The following LRRC4C variants were observed in gnomAD, a reference collection of about 807,000 sequenced individuals.
LRRC4C encodes leucine rich repeat containing 4C, also known as leucine-rich repeat-containing protein 4C.
In LRRC4C, 5 loss-of-function variants were observed where a neutral mutation model predicts 33.6. The observed-to-expected ratio is 0.15, with a 90% CI of 0.08 to 0.31. The LOEUF is 0.31. Ranked by LOEUF, LRRC4C falls within the 10% of genes least tolerant of loss-of-function variation. LRRC4C has a pLI of 1.00. For synonymous variants in LRRC4C, 329 were observed against 302.0 expected (o/e 1.09, Z -0.93); for missense variants, 560 against 796.7 (o/e 0.70, Z 3.58).
At chr11:41,397,677 T>TA (rs11381080) in intron 1 of LRRC4C, among the ~76,000 whole-genome samples, 100,160 of 143,750 alleles carry the variant, frequency 0.7, 37,378 homozygotes, top group East Asian at 0.86. Context: ...GAACAAAAAC[T>TA]AAAAAAAAAA....
chr11:40,538,221 C>CT (rs919560273), intron 3 of LRRC4C, among the ~76,000 whole-genome samples: 4 of 152,090 alleles, frequency 2.6e-5, no homozygotes, highest in Admixed American at 2.6e-4. Context: ...TCTCATCACT[C>CT]TGAGTAATTC....
In LRRC4C at chr11:41,098,421, C is replaced by T. The variant is rs980436796; in HGVS notation, c.-495-164698G>A. Among the ~76,000 whole-genome samples the T allele has an allele frequency of 7.5e-4, 114 of 152,040 alleles. 1 individual carries two copies. The highest frequency in any genetic ancestry group is 2.4e-4 in the Non-Finnish European group (16 of 68,016). The stretch of plus-strand genomic sequence containing the variant: ...TTATGTACAAAAGATTCATTAACCC[C>T]AAAATAACAGGAACCATAGCTCAGG... On this transcript the variant is annotated intron_variant, in intron 1 of 6. Transcript: ENST00000528697.
intron 1 of LRRC4C, among the ~76,000 whole-genome samples, chr11:41,252,637 G>T (rs4460796): frequency 0.56 from 84,633 of 151,472 alleles, 24,463 homozygotes; most frequent in African/African-American, 0.7. Flanking sequence ...AACAAAAAAT[G>T]TCCTATTTAA....
At chr11:40,419,483 A>C (rs941774646) in intron 3 of LRRC4C, among the ~76,000 whole-genome samples, 1 of 152,204 alleles carries the variant, frequency 6.6e-6, no homozygotes, top group Non-Finnish European at 1.5e-5. Flanking sequence ...ATACCAGAAG[A>C]TAGTGGAACA....
chr11:40,327,465 G>T (rs761024016), intron 3 of LRRC4C, among the ~76,000 whole-genome samples: 1 of 152,200 alleles, frequency 6.6e-6, no homozygotes, highest in Non-Finnish European at 1.5e-5. Flanking sequence ...TCAGAAAGAA[G>T]TTGCTGTTAA....
chr11:41,067,236 A>G (rs1452680725), intron 1 of LRRC4C, among the ~76,000 whole-genome samples: 1 of 152,180 alleles, frequency 6.6e-6, no homozygotes, highest in African/African-American at 2.4e-5. Context: ...TACCAAGTAA[A>G]TGGAAAGCAG....
intron 1 of LRRC4C, among the ~76,000 whole-genome samples, chr11:41,181,909 A>T (rs1590861020): frequency 6.6e-6 from 1 of 152,080 alleles, no homozygotes; most frequent in Admixed American, 6.6e-5. Context: ...GGAAAAAAAG[A>T]CTCTTTACTT....
At chr11:41,450,996 C>T (rs1182623106) in intron 1 of LRRC4C, among the ~76,000 whole-genome samples, 2 of 151,982 alleles carry the variant, frequency 1.3e-5, no homozygotes. Flanking sequence ...GTTCTGAATC[C>T]TGTGCTGCCT....
intron 1 of LRRC4C, among the ~76,000 whole-genome samples, chr11:41,404,564 C>CACACACACACA (rs375465500): frequency 2.0e-3 from 192 of 94,152 alleles, no homozygotes; most frequent in Middle Eastern, 9.4e-3. Flanking sequence ...ACACACACAC[C>CACACACACACA]CCCCGAGGTT....
chr11:41,381,270 T>C (rs1953136208), intron 1 of LRRC4C, among the ~76,000 whole-genome samples: 1 of 152,138 alleles, frequency 6.6e-6, no homozygotes, highest in Admixed American at 6.6e-5. Context: ...AGGAAAATTA[T>C]GCATTTGAAC....
intron 1 of LRRC4C, among the ~76,000 whole-genome samples, chr11:41,327,081 T>C (rs1312188898): frequency 6.6e-6 from 1 of 152,200 alleles, no homozygotes; most frequent in Non-Finnish European, 1.5e-5. Flanking sequence ...TACAGGAGAC[T>C]GAGGATTTAA....
Position 40,903,931 on chromosome 11 carries a change from C to T in LRRC4C, c.-407+29704G>A, listed in dbSNP as rs139777088. Among the ~76,000 whole-genome samples, 19 of 151,834 alleles carry T rather than the reference C, an allele frequency of 1.3e-4. 1 individual carries two copies. In the East Asian group the frequency reaches 3.7e-3, roughly 29 times the overall value. On this transcript the variant is annotated intron_variant, in intron 2 of 6. Transcript: ENST00000528697. ...TATATATATATATACCTAAAATGTA[C>T]TCACCAAATTTTAAAATTAAAAAAT...
chr11:40,754,519 G>A (rs961515048), intron 2 of LRRC4C, among the ~76,000 whole-genome samples: 4 of 152,032 alleles, frequency 2.6e-5, no homozygotes, highest in African/African-American at 9.7e-5. Flanking sequence ...TTGAGGAGGT[G>A]CAGACAGCAG....
intron 1 of LRRC4C, among the ~76,000 whole-genome samples, chr11:41,386,732 T>A (rs532531516): frequency 2.0e-5 from 3 of 151,890 alleles, no homozygotes; most frequent in Non-Finnish European, 4.4e-5. Context: ...CCCAACAGAC[T>A]GAATAATGTC....
At chr11:40,388,741 T>C (rs1220363555) in intron 3 of LRRC4C, among the ~76,000 whole-genome samples, 1 of 152,174 alleles carries the variant, frequency 6.6e-6, no homozygotes, top group Admixed American at 6.6e-5. Context: ...GTTGTACAAA[T>C]TGGTCAAATA....
At chr11:40,576,694 T>C (rs956033533) in intron 3 of LRRC4C, among the ~76,000 whole-genome samples, 2 of 152,194 alleles carry the variant, frequency 1.3e-5, no homozygotes, top group African/African-American at 4.8e-5. Flanking sequence ...ATTCCCTTCA[T>C]AGTTTTCTAA....
At chr11:41,350,091 G>A (rs1951927058) in intron 1 of LRRC4C, among the ~76,000 whole-genome samples, 1 of 152,146 alleles carries the variant, frequency 6.6e-6, no homozygotes, top group Admixed American at 6.5e-5. Context: ...GTGAAAGAAT[G>A]AAAGTTAAAA....
chr11:40,767,332 A>G (rs1949524233), intron 2 of LRRC4C, among the ~76,000 whole-genome samples: 1 of 152,124 alleles, frequency 6.6e-6, no homozygotes, highest in Admixed American at 6.6e-5. Flanking sequence ...TAAAGCAAAT[A>G]TTGTTAGAGC....
chr11:41,162,877 C>A (rs1371787452), intron 1 of LRRC4C, among the ~76,000 whole-genome samples: 3 of 152,138 alleles, frequency 2.0e-5, no homozygotes, highest in Admixed American at 6.5e-5. Flanking sequence ...TGAAAAACAT[C>A]ATTTCTTCAA....
Sources: gnomAD v4.1 joint callset for allele counts (sites outside exome capture counted in the v4.1 genomes callset) on GRCh38, gnomAD v4.1.1 for gene constraint, MANE v1.5 for transcripts, NCBI Gene and HGNC (gene_info 2026-07-23, HGNC 2026-07-21) for gene names.